AGBL1: variants seen among roughly 807,000 people sequenced by gnomAD.
The protein encoded by AGBL1 is AGBL carboxypeptidase 1.
Under a neutral mutation model 118.9 loss-of-function variants are expected in AGBL1, and 130 were observed. That is an observed-to-expected ratio of 1.09 (90% confidence interval 0.95 to 1.26). The LOEUF is 1.26. Ranked by LOEUF, AGBL1 falls within the 50% of genes most tolerant of loss-of-function variation. The pLI is 0.00. For synonymous variants in AGBL1, 555 were observed against 478.9 expected, an observed-to-expected ratio of 1.16 and a Z score of -2.08; for missense variants, 1,584 against 1,298.1, an observed-to-expected ratio of 1.22 and a Z score of -3.38.
At chr15:86,561,779 T>C (rs988853598) in intron 21 of AGBL1, among the ~76,000 whole-genome samples, 2 of 152,212 alleles carry the variant, frequency 1.3e-5, no homozygotes, top group African/African-American at 2.4e-5. Context: ...ATTCTTCCTA[T>C]CCATGAGCAT....
intron 3 of AGBL1, among the ~76,000 whole-genome samples, chr15:86,145,903 C>G (rs1220261385): frequency 6.6e-6 from 1 of 152,176 alleles, no homozygotes; most frequent in Non-Finnish European, 1.5e-5. Context: ...AGTGATGCTA[C>G]TTTAGACTGG....
chr15:86,696,067 G>A (rs1194032877), intron 22 of AGBL1, among the ~76,000 whole-genome samples: 1 of 151,940 alleles, frequency 6.6e-6, no homozygotes, highest in Non-Finnish European at 1.5e-5. Flanking sequence ...GTGGTTATTG[G>A]TTAGAATGTT....
chr15:86,101,886 T>C (rs996679637), intron 1 of AGBL1, among the ~76,000 whole-genome samples: 3 of 152,212 alleles, frequency 2.0e-5, no homozygotes, highest in African/African-American at 7.2e-5. Context: ...GTTATTGATA[T>C]GTGAGGGCTT....
At chr15:86,827,839 GCTA>G (rs1383631511) in intron 22 of AGBL1, among the ~76,000 whole-genome samples, 1 of 148,844 alleles carries the variant, frequency 6.7e-6, no homozygotes, top group Non-Finnish European at 1.5e-5. Context: ...GATTATGGTG[GCTA>G]CCATAAGATA....
At chr15:86,779,966 C>G (rs1195171540) in intron 22 of AGBL1, among the ~76,000 whole-genome samples, 1 of 151,864 alleles carries the variant, frequency 6.6e-6, no homozygotes, top group East Asian at 1.9e-4. Flanking sequence ...ACTCCCTTGT[C>G]AGTATGTTTT....
Position 86,694,393 on chromosome 15 carries a change from G to T in AGBL1, c.3158+19957G>T, listed in dbSNP as rs114335165. On this transcript the variant is annotated intron_variant, in intron 22 of 22. Coordinates refer to ENST00000614907, the MANE Select transcript of AGBL1 (RefSeq NM_001386094.1). The stretch of plus-strand genomic sequence containing the variant: ...TGTTGAGTTATTGATTTGATTCTCA[G>T]CTTGGTCCTTGTTGGTGTATAGCAG... Among the ~76,000 whole-genome samples the T allele has an allele frequency of 8.5e-3, 1,296 of 152,120 alleles. 11 individuals carry two copies. The highest frequency in any genetic ancestry group is 0.029 in the South Asian group (138 of 4,812).
At chr15:86,748,798 A>G (rs1032397554) in intron 22 of AGBL1, among the ~76,000 whole-genome samples, 1 of 151,668 alleles carries the variant, frequency 6.6e-6, no homozygotes, top group African/African-American at 2.4e-5. Context: ...TTTGTCAGGT[A>G]TGTCAAAGAT....
intron 22 of AGBL1, among the ~76,000 whole-genome samples, chr15:86,898,036 T>C (rs1200072029): frequency 6.6e-6 from 1 of 151,954 alleles, no homozygotes; most frequent in Non-Finnish European, 1.5e-5. Flanking sequence ...ACCTACCGAG[T>C]GCTGGGACTA....
intron 5 of AGBL1, among the ~76,000 whole-genome samples, chr15:86,176,688 C>T (rs1452938343): frequency 2.0e-5 from 3 of 152,130 alleles, no homozygotes; most frequent in Non-Finnish European, 2.9e-5. Context: ...TCTGGTGGGG[C>T]CTGGGCTCTT....
intron 3 of AGBL1, among the ~76,000 whole-genome samples, chr15:86,153,338 A>T (rs899397568): frequency 2.6e-5 from 4 of 152,260 alleles, no homozygotes; most frequent in African/African-American, 9.6e-5. Flanking sequence ...GCCATAAAAA[A>T]GGATGAGTTT....
intron 22 of AGBL1, among the ~76,000 whole-genome samples, chr15:86,796,698 A>G (rs77794722): frequency 0.044 from 6,740 of 152,290 alleles, 332 homozygotes; most frequent in East Asian, 0.14. Flanking sequence ...TAAATAAAAC[A>G]TTATTAGAAC....
At chr15:86,898,178 A>C (rs1188515362) in intron 22 of AGBL1, among the ~76,000 whole-genome samples, 1 of 152,182 alleles carries the variant, frequency 6.6e-6, no homozygotes, top group Non-Finnish European at 1.5e-5. Context: ...GAATAAATAC[A>C]CATTTTTGGG....
At chr15:86,944,578 G>T (rs561337018) in intron 23 of AGBL1, among the ~76,000 whole-genome samples, 1 of 152,184 alleles carries the variant, frequency 6.6e-6, no homozygotes, top group African/African-American at 2.4e-5. Context: ...AGTCATAAGG[G>T]ACGCACAGTA....
intron 22 of AGBL1, among the ~76,000 whole-genome samples, chr15:86,782,383 C>A (rs988887186): frequency 6.6e-6 from 1 of 152,114 alleles, no homozygotes; most frequent in Non-Finnish European, 1.5e-5. Context: ...CTTGCAAAAG[C>A]AGACAAGACA....
At chr15:86,751,640 G>A (rs913752096) in intron 22 of AGBL1, among the ~76,000 whole-genome samples, 3 of 152,112 alleles carry the variant, frequency 2.0e-5, no homozygotes, top group Admixed American at 2.0e-4. Flanking sequence ...GATCAGTGTA[G>A]GAGTAGATTC....
intron 23 of AGBL1, among the ~76,000 whole-genome samples, chr15:86,940,040 C>G (rs1022317676): frequency 1.4e-5 from 2 of 141,736 alleles, no homozygotes; most frequent in African/African-American, 2.6e-5. Flanking sequence ...TGTCAACAAA[C>G]TCAGCTAATT....
At chr15:86,726,999 A>T (rs1197023467) in intron 22 of AGBL1, among the ~76,000 whole-genome samples, 1 of 152,088 alleles carries the variant, frequency 6.6e-6, no homozygotes, top group Non-Finnish European at 1.5e-5. Context: ...CACAGTTAAG[A>T]AGTCAGTGGG....
chr15:86,669,074 C>A (rs995342307), intron 21 of AGBL1, among the ~76,000 whole-genome samples: 8 of 151,864 alleles, frequency 5.3e-5, no homozygotes, highest in Non-Finnish European at 7.4e-5. Context: ...AGCGCTAACA[C>A]CAATCTACAA....
intron 23 of AGBL1, among the ~76,000 whole-genome samples, chr15:86,930,873 AAT>A (rs2080595829): frequency 6.6e-6 from 1 of 152,192 alleles, no homozygotes; most frequent in South Asian, 2.1e-4. Flanking sequence ...GGCTTAAAAC[AAT>A]AGTCAAGGAA....
Sources: gnomAD v4.1 joint callset for allele counts (sites outside exome capture counted in the v4.1 genomes callset) on GRCh38, gnomAD v4.1.1 for gene constraint, MANE v1.5 for transcripts, NCBI Gene and HGNC (gene_info 2026-07-23, HGNC 2026-07-21) for gene names.